HIVEP3: variants seen among roughly 807,000 people sequenced by gnomAD.
HIVEP3 encodes the protein HIVEP zinc finger 3.
Under a neutral mutation model 152.8 loss-of-function variants are expected in HIVEP3, and 49 were observed. The ratio of observed to expected loss-of-function variants is 0.32; its 90% CI spans 0.26 to 0.41. The LOEUF is 0.41. HIVEP3 is among the 10% of genes least tolerant of loss of function. HIVEP3 has a pLI of 1.00. For synonymous variants in HIVEP3, 1,269 were observed against 1,289.0 expected, an observed-to-expected ratio of 0.98 and a Z score of 0.33; for missense variants, 2,790 against 3,103.3, an observed-to-expected ratio of 0.90 and a Z score of 2.40.
intron 2 of HIVEP3, among the ~76,000 whole-genome samples, chr1:41,692,468 A>T (rs956122243): frequency 3.9e-5 from 6 of 152,182 alleles, no homozygotes; most frequent in African/African-American, 1.4e-4. Flanking sequence ...ATGAATCAAC[A>T]ATCTATGTTA....
Position 41,724,072 on chromosome 1 carries a change from G to C in HIVEP3, c.-800-23077C>G, listed in dbSNP as rs185533572. Among the ~76,000 whole-genome samples the C allele has an allele frequency of 1.5e-3, 228 of 152,294 alleles. 2 individuals carry two copies. Among genetic ancestry groups the C allele is most frequent in the African/African-American group, 5.0e-3 (207 of 41,552 alleles). ...CTCTTGCGATAATAATATCATGAGG[G>C]GGGAGGGGCAGCTCGAGGATGAATC... On this transcript the variant is annotated intron_variant, in intron 1 of 8. Transcript: ENST00000372583.
chr1:41,723,106 A>T (rs1432106701), intron 1 of HIVEP3, among the ~76,000 whole-genome samples: 1 of 152,044 alleles, frequency 6.6e-6, no homozygotes, highest in South Asian at 2.1e-4. Flanking sequence ...TGTTCTAGAA[A>T]GATCCCCCTG....
chr1:41,795,399 C>T (rs1048509139), intron 1 of HIVEP3, among the ~76,000 whole-genome samples: 7 of 152,164 alleles, frequency 4.6e-5, no homozygotes, highest in Non-Finnish European at 1.0e-4. Flanking sequence ...TCTGAGGTCA[C>T]GTGATACCAA....
chr1:41,680,639 G>T (rs541183951), intron 2 of HIVEP3, among the ~76,000 whole-genome samples: 1 of 152,220 alleles, frequency 6.6e-6, no homozygotes, highest in African/African-American at 2.4e-5. Flanking sequence ...TTCTCATGCT[G>T]GCATCCCAAA....
intron 1 of HIVEP3, among the ~76,000 whole-genome samples, chr1:41,721,146 C>T (rs1646667729): frequency 6.6e-6 from 1 of 152,044 alleles, no homozygotes; most frequent in African/African-American, 2.4e-5. Context: ...ATGAATGATA[C>T]TTTATCTACT....
chr1:41,936,274 T>C (rs1472313875), intron 1 of HIVEP3, among the ~76,000 whole-genome samples: 1 of 152,152 alleles, frequency 6.6e-6, no homozygotes, highest in East Asian at 1.9e-4. Flanking sequence ...ATGACTCATG[T>C]GCGAGTCAAG....
At chr1:41,730,819 G>T (rs989876836) in intron 1 of HIVEP3, among the ~76,000 whole-genome samples, 5 of 152,176 alleles carry the variant, frequency 3.3e-5, no homozygotes, top group Admixed American at 2.6e-4. Flanking sequence ...GTGGGAGGCT[G>T]GGGGGTGGGG....
chr1:41,632,833 T>C (rs1645215196), intron 2 of HIVEP3, among the ~76,000 whole-genome samples: 1 of 151,462 alleles, frequency 6.6e-6, no homozygotes, highest in Non-Finnish European at 1.5e-5. Context: ...TTCAAGAAAA[T>C]TGCATGGTGT....
intron 1 of HIVEP3, among the ~76,000 whole-genome samples, chr1:41,893,947 G>A (rs1644490588): frequency 6.7e-6 from 1 of 149,182 alleles, no homozygotes; most frequent in Non-Finnish European, 1.5e-5. Context: ...CTGAGACGAA[G>A]TCTCACTCTG....
intron 1 of HIVEP3, among the ~76,000 whole-genome samples, chr1:41,759,551 T>G (rs552319934): frequency 2.0e-5 from 3 of 152,206 alleles, no homozygotes; most frequent in African/African-American, 7.2e-5. Flanking sequence ...CTTTGGGGTA[T>G]AGACCTAGGA....
chr1:41,872,871 C>T (rs946896090), intron 1 of HIVEP3, among the ~76,000 whole-genome samples: 1 of 152,196 alleles, frequency 6.6e-6, no homozygotes, highest in Non-Finnish European at 1.5e-5. Context: ...ACGTACAAGT[C>T]TTCCACCAAC....
At chr1:41,649,827 G>A (rs1276835455) in intron 2 of HIVEP3, among the ~76,000 whole-genome samples, 1 of 152,152 alleles carries the variant, frequency 6.6e-6, no homozygotes, top group Non-Finnish European at 1.5e-5. Context: ...CATTAAATCT[G>A]CATCTGGCAC....
At chr1:41,724,942 C>T (rs1192974303) in intron 1 of HIVEP3, among the ~76,000 whole-genome samples, 1 of 152,200 alleles carries the variant, frequency 6.6e-6, no homozygotes, top group Non-Finnish European at 1.5e-5. Flanking sequence ...CTGGCATCTC[C>T]CACCTGAAGT....
At chr1:41,648,099 T>TCACC (rs1645488460) in intron 2 of HIVEP3, among the ~76,000 whole-genome samples, 1 of 152,200 alleles carries the variant, frequency 6.6e-6, no homozygotes, top group Non-Finnish European at 1.5e-5. Flanking sequence ...GAACAAGATC[T>TCACC]CACCCACTGC....
intron 1 of HIVEP3, among the ~76,000 whole-genome samples, chr1:41,998,260 T>C (rs920709195): frequency 3.3e-5 from 5 of 152,228 alleles, no homozygotes; most frequent in Non-Finnish European, 7.3e-5. Flanking sequence ...ACATTCTATC[T>C]TAATTTTCTC....
In HIVEP3 at chr1:41,628,901, G is replaced by C. The variant is rs1449145243; in HGVS notation, c.-674C>G. The C allele has an allele frequency of 3.2e-5, 40 of 1,231,704 alleles. No individual in the cohort carries two copies. In the South Asian group the frequency reaches 8.7e-4, roughly 27 times the overall value. The allele number at this position is 1,231,704 out of a possible 1,614,324, so 76.3% of individuals were successfully genotyped here. ...GCTTGCTTGGCCAGGACCCCGCGAG[G>C]CTCCTCCATGAACTAGGTTGAGGCT... is the stretch of plus-strand genomic sequence containing the variant. On this transcript the variant is annotated 5_prime_UTR_variant, in exon 3 of 9. Coordinates refer to ENST00000372583, the MANE Select transcript of HIVEP3 (RefSeq NM_024503.5).
At chr1:41,568,494 G>A (rs1211181819) in intron 5 of HIVEP3, among the ~76,000 whole-genome samples, 2 of 152,268 alleles carry the variant, frequency 1.3e-5, no homozygotes, top group East Asian at 1.9e-4. Context: ...GGGACACGGC[G>A]TAGGAGCGGC....
At chr1:41,874,336 G>A (rs1223693063) in intron 1 of HIVEP3, among the ~76,000 whole-genome samples, 2 of 152,194 alleles carry the variant, frequency 1.3e-5, no homozygotes, top group East Asian at 3.8e-4. Flanking sequence ...CATGAAGATT[G>A]CCCACTGATT....
chr1:41,749,384 C>T (rs1452240754), intron 1 of HIVEP3, among the ~76,000 whole-genome samples: 1 of 92,550 alleles, frequency 1.1e-5, no homozygotes, highest in Non-Finnish European at 2.7e-5. Context: ...TCTCTGGACT[C>T]TCTGAAACCT....
Sources: gnomAD v4.1 joint callset for allele counts (sites outside exome capture counted in the v4.1 genomes callset) on GRCh38, gnomAD v4.1.1 for gene constraint, MANE v1.5 for transcripts, NCBI Gene and HGNC (gene_info 2026-07-23, HGNC 2026-07-21) for gene names.